Variants in ARHGEF12 observed in about 807,000 individuals in gnomAD.
ARHGEF12 encodes the protein KMT2A/ARHGEF12 fusion protein.
A neutral mutation model predicts 211.2 loss-of-function variants in ARHGEF12; 66 were observed. The ratio of observed to expected loss-of-function variants is 0.31; its 90% CI spans 0.26 to 0.38. ARHGEF12 has a LOEUF of 0.38. ARHGEF12 is among the 10% of genes least tolerant of loss of function. The probability of loss-of-function intolerance (pLI) is 1.00; values close to 1 mark genes in which losing one functional copy is unlikely to be tolerated. For missense variants in ARHGEF12, 1,429 were observed against 1,869.5 expected (o/e 0.76, Z 4.34); for synonymous variants, 592 against 638.4 (o/e 0.93, Z 1.09).
At chr11:120,347,282 G>C (rs867974442) in intron 1 of ARHGEF12, among the ~76,000 whole-genome samples, 1 of 143,356 alleles carries the variant, frequency 7.0e-6, no homozygotes, top group African/African-American at 2.6e-5. Context: ...GTGTGTGTGT[G>C]TGTGTGTGTG....
chr11:120,346,592 T>A (rs996047456), intron 1 of ARHGEF12, among the ~76,000 whole-genome samples: 1 of 152,224 alleles, frequency 6.6e-6, no homozygotes, highest in Non-Finnish European at 1.5e-5. Flanking sequence ...TGTATAATCC[T>A]CTTAAGGAAA....
intron 28 of ARHGEF12, 100 bp downstream of exon 28, chr11:120,465,462 A>T: frequency 6.7e-7 from 1 of 1,489,626 alleles, no homozygotes; most frequent in Non-Finnish European, 9.1e-7. Flanking sequence ...CAAAGATTAC[A>T]TCTGTGTTAA....
chr11:120,449,274 C>T (rs1318004796), intron 21 of ARHGEF12, 60 bp downstream of exon 21: 68 of 1,291,830 alleles, frequency 5.3e-5, no homozygotes, highest in Non-Finnish European at 7.3e-5. Flanking sequence ...ACATCAGAGG[C>T]TTCTTCAGCT....
chr11:120,345,350 A>T (rs1179590220), intron 1 of ARHGEF12, among the ~76,000 whole-genome samples: 1 of 152,218 alleles, frequency 6.6e-6, no homozygotes, highest in Non-Finnish European at 1.5e-5. Context: ...TAACTGTACC[A>T]TCCATATACA....
At position 120,431,920 on chromosome 11, in the gene ARHGEF12, T is replaced by C. The variant is rs74387821; in HGVS notation, c.924+9T>C. ...GTAGTGACAATGCAGATGTAAGCTT[T>C]CAGTTTTCTAAATCTTTTTTCTTCT... On this transcript the variant is annotated intron_variant, in intron 11 of 40. Coordinates refer to ENST00000397843, the MANE Select transcript of ARHGEF12 (RefSeq NM_015313.3). 19,128 of 1,571,210 alleles carry C rather than the reference T, an allele frequency of 0.012. 1,180 individuals carry two copies. In the South Asian group the frequency reaches 0.14, roughly 12 times the overall value.
intron 1 of ARHGEF12, among the ~76,000 whole-genome samples, chr11:120,376,984 A>G (rs1412607586): frequency 6.6e-6 from 1 of 152,200 alleles, no homozygotes; most frequent in Non-Finnish European, 1.5e-5. Flanking sequence ...ATTGTTTTAT[A>G]TAGCTGAATA....
In ARHGEF12 at chr11:120,431,895, G is replaced by T; in HGVS notation, c.908G>T (p.Ser303Ile). 6.2e-7 allele frequency: 1 copy of T among 1,604,282 alleles called. No individual in the cohort carries two copies. The highest frequency in any genetic ancestry group is 8.5e-7 in the Non-Finnish European group (1 of 1,176,908). The change falls in exon 11 of 41, where the codon AGT (serine) becomes ATT (isoleucine). Residue 303 changes from serine (S) to isoleucine (I), a missense_variant. Ser to Ile is a moderately radical substitution (Grantham distance 142). Transcript: ENST00000397843. ...AGCAGTGGAGATGCTTCTCGGCCCA[G>T]TAGTGACAATGCAGATGTAAGCTTT... ...DCSSGDASRP[S>I]SDNADSPKSG... is the part of the protein sequence containing the mutation.
At chr11:120,442,429 C>T (rs7117285) in intron 15 of ARHGEF12, among the ~76,000 whole-genome samples, 40,283 of 111,584 alleles carry the variant, frequency 0.36, 5,631 homozygotes, top group African/African-American at 0.42. Flanking sequence ...TATATATATA[C>T]ACACACACAC....
At chr11:120,480,515 A>G in intron 38 of ARHGEF12, 85 bp downstream of exon 38, 4 of 1,319,864 alleles carry the variant, frequency 3.0e-6, no homozygotes, top group Non-Finnish European at 3.1e-6. Flanking sequence ...TTGTATTGGT[A>G]TCCAGGTGTG....
chr11:120,442,455 C>CAT (rs762540484), intron 15 of ARHGEF12, among the ~76,000 whole-genome samples: 2 of 129,854 alleles, frequency 1.5e-5, no homozygotes, highest in South Asian at 2.4e-4. Flanking sequence ...CACACACACA[C>CAT]ATATATATAC....
intron 1 of ARHGEF12, among the ~76,000 whole-genome samples, chr11:120,339,033 CTG>C (rs1942449627): frequency 2.3e-5 from 3 of 131,552 alleles, no homozygotes. Flanking sequence ...TGGCCAGGCA[CTG>C]TGCAGGCACA....
intron 1 of ARHGEF12, among the ~76,000 whole-genome samples, chr11:120,372,894 T>C (rs2135416920): frequency 6.6e-6 from 1 of 152,280 alleles, no homozygotes; most frequent in Admixed American, 6.5e-5. Flanking sequence ...TTGATAATTT[T>C]CTGCTTAAGG....
At chr11:120,394,782 G>A (rs1230519526) in intron 1 of ARHGEF12, among the ~76,000 whole-genome samples, 1 of 151,934 alleles carries the variant, frequency 6.6e-6, no homozygotes, top group African/African-American at 2.4e-5. Context: ...GGGAGGCTGG[G>A]TGCTGTGGCT....
At chr11:120,350,624 A>G (rs1014807487) in intron 1 of ARHGEF12, among the ~76,000 whole-genome samples, 2 of 145,892 alleles carry the variant, frequency 1.4e-5, no homozygotes, top group African/African-American at 2.5e-5. Context: ...GTTACTTTCT[A>G]TCACATACTG....
chr11:120,405,997 C>A lies in ARHGEF12; in HGVS notation c.33-121C>A, dbSNP rs528391034. The A allele has an allele frequency of 9.3e-5, 64 of 688,620 alleles. No individual in the cohort carries two copies. In the African/African-American group the frequency reaches 1.1e-3, roughly 12 times the overall value. The allele number at this position is 688,620 out of a possible 1,614,324, so 42.7% of individuals were successfully genotyped here. A position where few individuals can be genotyped will look rare whatever the true frequency, so the allele number is the denominator to read the frequency against. ...TATTCCTCCAGCTTATTGATTCTTG[C>A]TATTGGAAAGTTACCATAAGATTTA... On this transcript the variant is annotated intron_variant, in intron 1 of 40. Transcript: ENST00000397843.
intron 8 of ARHGEF12, among the ~76,000 whole-genome samples, chr11:120,428,569 T>C (rs1454716037): frequency 6.6e-6 from 1 of 152,246 alleles, no homozygotes; most frequent in African/African-American, 2.4e-5. Flanking sequence ...TTTTGTTTAC[T>C]GTTACGTTTC....
chr11:120,460,147 C>T (rs1037323620), intron 26 of ARHGEF12, among the ~76,000 whole-genome samples: 1 of 152,186 alleles, frequency 6.6e-6, no homozygotes, highest in Non-Finnish European at 1.5e-5. Flanking sequence ...ATTTATAGGT[C>T]ACTATTTCTC....
chr11:120,418,961 A>G (rs1011658139), intron 4 of ARHGEF12, among the ~76,000 whole-genome samples: 3 of 150,236 alleles, frequency 2.0e-5, no homozygotes, highest in African/African-American at 7.3e-5. Context: ...TTGCCTTTTC[A>G]TTTTCTTTTT....
intron 1 of ARHGEF12, among the ~76,000 whole-genome samples, chr11:120,371,017 C>T (rs2135409218): frequency 6.6e-6 from 1 of 152,302 alleles, no homozygotes; most frequent in African/African-American, 2.4e-5. Context: ...TTTTCTGAGC[C>T]TAATTCTCTT....
Sources: allele counts gnomAD v4.1 joint callset (sites outside exome capture counted in the v4.1 genomes callset), GRCh38; gene constraint gnomAD v4.1.1; transcripts MANE v1.5; gene names NCBI Gene and HGNC (gene_info 2026-07-23, HGNC 2026-07-21).